LHFPL3: variants seen among roughly 807,000 people sequenced by gnomAD.
LHFPL3 encodes LHFPL tetraspan subfamily member 3 protein.
In LHFPL3, 5 loss-of-function variants were observed where a neutral mutation model predicts 19.3. The ratio of observed to expected loss-of-function variants is 0.26; its 90% CI spans 0.14 to 0.54. The LOEUF (loss-of-function observed/expected upper bound fraction) is 0.54, where lower values mean the gene tolerates loss of function less well. LHFPL3 is among the 20% of genes least tolerant of loss of function. The probability of loss-of-function intolerance (pLI) is 0.94; values close to 1 mark genes in which losing one functional copy is unlikely to be tolerated. For synonymous variants in LHFPL3, 133 were observed against 126.2 expected, an observed-to-expected ratio of 1.05 and a Z score of -0.36; for missense variants, 249 against 307.4, an observed-to-expected ratio of 0.81 and a Z score of 1.42.
intron 1 of LHFPL3, among the ~76,000 whole-genome samples, chr7:104,475,495 T>C (rs1015590378): frequency 1.3e-5 from 2 of 152,182 alleles, no homozygotes; most frequent in East Asian, 1.9e-4. Flanking sequence ...AGTTTCACAC[T>C]TATAAGATGA....
At chr7:104,654,661 G>C (rs1270310614) in intron 1 of LHFPL3, among the ~76,000 whole-genome samples, 1 of 152,192 alleles carries the variant, frequency 6.6e-6, no homozygotes, top group Non-Finnish European at 1.5e-5. Flanking sequence ...CTCCAGAAAT[G>C]GTTGTAGTAA....
chr7:104,447,228 ATGT>A (rs1281083387), intron 1 of LHFPL3, among the ~76,000 whole-genome samples: 1 of 152,120 alleles, frequency 6.6e-6, no homozygotes, highest in Non-Finnish European at 1.5e-5. Context: ...GGACTTTGCT[ATGT>A]TGTTGGGGTA....
At chr7:104,756,295 A>G (rs1172035605) in intron 2 of LHFPL3, among the ~76,000 whole-genome samples, 1 of 152,200 alleles carries the variant, frequency 6.6e-6, no homozygotes, top group Non-Finnish European at 1.5e-5. Context: ...GCTTATTATT[A>G]TAGCCTAATG....
chr7:104,740,216 C>T (rs948866252), intron 2 of LHFPL3, among the ~76,000 whole-genome samples: 1 of 152,208 alleles, frequency 6.6e-6, no homozygotes, highest in Non-Finnish European at 1.5e-5. Context: ...GTCAATTAAA[C>T]CTCTTTCCTT....
At chr7:104,433,326 G>C (rs1475292270) in intron 1 of LHFPL3, among the ~76,000 whole-genome samples, 2 of 152,138 alleles carry the variant, frequency 1.3e-5, no homozygotes, top group African/African-American at 4.8e-5. Context: ...TTGCTATGAA[G>C]ATAGTTTTGA....
At chr7:104,662,202 A>T (rs572565617) in intron 1 of LHFPL3, among the ~76,000 whole-genome samples, 1 of 152,332 alleles carries the variant, frequency 6.6e-6, no homozygotes, top group Non-Finnish European at 1.5e-5. Context: ...AATAAGGGGG[A>T]GACTACCGTA....
At chr7:104,404,541 G>T (rs1395908899) in intron 1 of LHFPL3, among the ~76,000 whole-genome samples, 1 of 152,130 alleles carries the variant, frequency 6.6e-6, no homozygotes, top group African/African-American at 2.4e-5. Flanking sequence ...GAGAACCAAG[G>T]TTACTGACAA....
chr7:104,839,005 TAAAGAA>T (rs1399489533), intron 2 of LHFPL3, among the ~76,000 whole-genome samples: 1 of 152,148 alleles, frequency 6.6e-6, no homozygotes, highest in Non-Finnish European at 1.5e-5. Context: ...AATGAATTCT[TAAAGAA>T]AGAGAATATT....
At chr7:104,375,621 G>T (rs1478433736) in intron 1 of LHFPL3, among the ~76,000 whole-genome samples, 1 of 152,086 alleles carries the variant, frequency 6.6e-6, no homozygotes, top group Non-Finnish European at 1.5e-5. Flanking sequence ...TTTCTTATTG[G>T]CTAAGAATTT....
intron 1 of LHFPL3, among the ~76,000 whole-genome samples, chr7:104,656,864 T>A (rs1209744846): frequency 6.6e-6 from 1 of 152,258 alleles, no homozygotes; most frequent in Non-Finnish European, 1.5e-5. Flanking sequence ...CATTCTACTG[T>A]CCTTTTAAAG....
chr7:104,442,710 T>C (rs1468692384), intron 1 of LHFPL3, among the ~76,000 whole-genome samples: 1 of 152,218 alleles, frequency 6.6e-6, no homozygotes, highest in African/African-American at 2.4e-5. Context: ...AATTCTGTGT[T>C]TATTAAAGCT....
intron 1 of LHFPL3, among the ~76,000 whole-genome samples, chr7:104,474,802 A>G (rs1295416469): frequency 6.6e-6 from 1 of 152,004 alleles, no homozygotes; most frequent in Non-Finnish European, 1.5e-5. Context: ...AGAAGGTGTT[A>G]TGAAGAGGCT....
At chr7:104,528,095 A>G (rs1193123089) in intron 1 of LHFPL3, among the ~76,000 whole-genome samples, 1 of 152,228 alleles carries the variant, frequency 6.6e-6, no homozygotes, top group Non-Finnish European at 1.5e-5. Flanking sequence ...AATTAAATTA[A>G]TAGCTTCTTA....
chr7:104,761,114 CAA>C (rs759456093), intron 2 of LHFPL3, among the ~76,000 whole-genome samples: 16 of 152,018 alleles, frequency 1.1e-4, no homozygotes, highest in South Asian at 4.1e-4. Context: ...TTCAAAACTG[CAA>C]AGAGAGGCAG....
intron 1 of LHFPL3, among the ~76,000 whole-genome samples, chr7:104,664,453 G>A (rs6943307): frequency 0.45 from 68,620 of 151,942 alleles, 16,157 homozygotes; most frequent in East Asian, 0.76. Flanking sequence ...TTAAAGTCCT[G>A]GTCAGGTACC....
chr7:104,869,354 T>TA (rs774003139), intron 2 of LHFPL3, among the ~76,000 whole-genome samples: 1 of 152,190 alleles, frequency 6.6e-6, no homozygotes, highest in Non-Finnish European at 1.5e-5. Flanking sequence ...GACAAAGGGC[T>TA]AATATCCAGA....
rs1790813211 is a variant in LHFPL3 at position 104,826,096 on chromosome 7, A to G, written c.683-80091A>G. Among the ~76,000 whole-genome samples, 2 of 151,972 alleles carry G rather than the reference A, an allele frequency of 1.3e-5. 1 individual carries two copies. Among genetic ancestry groups the G allele is most frequent in the South Asian group, 4.1e-4 (2 of 4,832 alleles). ...GCAAATAGAAGGTACTACATGAATA[A>G]TAACTGTTATTATTTAATTCATTCT... On this transcript the variant is annotated intron_variant, in intron 2 of 2. Coordinates refer to ENST00000424859, the MANE Select transcript of LHFPL3 (RefSeq NM_199000.3).
chr7:104,437,826 C>G (rs1028884002), intron 1 of LHFPL3, among the ~76,000 whole-genome samples: 2 of 152,174 alleles, frequency 1.3e-5, no homozygotes, highest in Non-Finnish European at 2.9e-5. Context: ...GCTCTTCAAA[C>G]TCCACCATTC....
intron 1 of LHFPL3, among the ~76,000 whole-genome samples, chr7:104,374,250 ATATT>A (rs1790667195): frequency 6.6e-6 from 1 of 150,956 alleles, no homozygotes; most frequent in Admixed American, 6.6e-5. Flanking sequence ...GTATACATAT[ATATT>A]TTTTTTAAGA....
Sources: gnomAD v4.1 joint callset for allele counts (sites outside exome capture counted in the v4.1 genomes callset) on GRCh38, gnomAD v4.1.1 for gene constraint, MANE v1.5 for transcripts, NCBI Gene and HGNC (gene_info 2026-07-23, HGNC 2026-07-21) for gene names.